The following THSD7B variants were observed in gnomAD, a reference collection of about 807,000 sequenced individuals.
THSD7B encodes the protein thrombospondin type-1 domain-containing protein 7B.
Under a neutral mutation model 213.6 loss-of-function variants are expected in THSD7B, and 138 were observed. The ratio of observed to expected loss-of-function variants is 0.65; its 90% CI spans 0.56 to 0.74. The LOEUF is 0.74. Ranked by LOEUF, THSD7B falls within the 30% of genes least tolerant of loss-of-function variation. The probability of loss-of-function intolerance (pLI) is 0.00; values close to 1 mark genes in which losing one functional copy is unlikely to be tolerated. For synonymous variants in THSD7B, 742 were observed against 687.0 expected, an observed-to-expected ratio of 1.08 and a Z score of -1.25; for missense variants, 1,931 against 1,991.5, an observed-to-expected ratio of 0.97 and a Z score of 0.58.
intron 12 of THSD7B, among the ~76,000 whole-genome samples, chr2:137,309,966 T>C (rs1040886974): frequency 7.4e-4 from 113 of 151,990 alleles, no homozygotes; most frequent in African/African-American, 2.6e-3. Flanking sequence ...GCAATAAACA[T>C]ACGTGTGCAT....
chr2:136,932,938 A>C (rs569545187), intron 2 of THSD7B, among the ~76,000 whole-genome samples: 1 of 152,114 alleles, frequency 6.6e-6, no homozygotes, highest in Non-Finnish European at 1.5e-5. Context: ...CTTGGAAGGC[A>C]CCAGAGGCAG....
chr2:137,637,713 C>T (rs1438370115), intron 20 of THSD7B, among the ~76,000 whole-genome samples: 2 of 152,148 alleles, frequency 1.3e-5, no homozygotes, highest in African/African-American at 4.8e-5. Flanking sequence ...TCCAGCAGAA[C>T]ATATCTGTCA....
intron 12 of THSD7B, among the ~76,000 whole-genome samples, chr2:137,285,366 T>C (rs1553435324): frequency 6.6e-6 from 1 of 152,170 alleles, no homozygotes; most frequent in Non-Finnish European, 1.5e-5. Context: ...TTTGCCCGTC[T>C]GTGTCTTTTA....
chr2:137,656,080 T>C (rs1220078443), intron 22 of THSD7B, among the ~76,000 whole-genome samples: 1 of 152,208 alleles, frequency 6.6e-6, no homozygotes, highest in East Asian at 1.9e-4. Flanking sequence ...TATGAGTTCA[T>C]GAAAGCACTC....
chr2:137,038,806 G>A (rs966794756), intron 2 of THSD7B, among the ~76,000 whole-genome samples: 2 of 152,214 alleles, frequency 1.3e-5, no homozygotes, highest in Non-Finnish European at 2.9e-5. Context: ...ACACTGTTGT[G>A]AAGTTGGCAC....
intron 21 of THSD7B, among the ~76,000 whole-genome samples, chr2:137,654,562 A>T (rs1047932094): frequency 1.3e-5 from 2 of 152,140 alleles, no homozygotes; most frequent in Non-Finnish European, 2.9e-5. Context: ...AACCATGAGT[A>T]AAGGGGAAAT....
intron 2 of THSD7B, among the ~76,000 whole-genome samples, chr2:136,959,004 A>G (rs1685174811): frequency 6.6e-6 from 1 of 152,126 alleles, no homozygotes; most frequent in African/African-American, 2.4e-5. Flanking sequence ...GGGGCTAGGG[A>G]GGGAGAGTGT....
intron 17 of THSD7B, among the ~76,000 whole-genome samples, chr2:137,583,625 G>A (rs1446929834): frequency 6.6e-6 from 1 of 152,080 alleles, no homozygotes; most frequent in Non-Finnish European, 1.5e-5. Flanking sequence ...TTTTTCTCAG[G>A]TTTGTCAAAG....
intron 2 of THSD7B, among the ~76,000 whole-genome samples, chr2:137,008,555 A>G (rs1320849913): frequency 2.6e-5 from 4 of 152,128 alleles, no homozygotes; most frequent in Admixed American, 1.3e-4. Flanking sequence ...CTCTTATAAT[A>G]AGATTAATTT....
At chr2:136,851,523 C>A (rs1384418564) in intron 1 of THSD7B, among the ~76,000 whole-genome samples, 1 of 152,232 alleles carries the variant, frequency 6.6e-6, no homozygotes, top group East Asian at 1.9e-4. Context: ...AATGAAATTG[C>A]TATCCAAATA....
intron 15 of THSD7B, among the ~76,000 whole-genome samples, chr2:137,500,987 G>A (rs1679690447): frequency 6.6e-6 from 1 of 152,096 alleles, no homozygotes; most frequent in African/African-American, 2.4e-5. Flanking sequence ...AAGATTTATA[G>A]TTTTGTTAGA....
At chr2:137,028,141 A>G (rs1448879112) in intron 2 of THSD7B, among the ~76,000 whole-genome samples, 1 of 152,106 alleles carries the variant, frequency 6.6e-6, no homozygotes, top group Non-Finnish European at 1.5e-5. Context: ...TTGTTTTTGG[A>G]CCTAGTTAGG....
At chr2:137,119,604 A>G (rs1688510459) in intron 5 of THSD7B, among the ~76,000 whole-genome samples, 1 of 152,180 alleles carries the variant, frequency 6.6e-6, no homozygotes, top group African/African-American at 2.4e-5. Context: ...AAGAGAGCTC[A>G]GGGTAAAAGA....
At chr2:137,594,666 T>A (rs79246626) in intron 17 of THSD7B, among the ~76,000 whole-genome samples, 3,575 of 152,152 alleles carry the variant, frequency 0.023, 80 homozygotes, top group East Asian at 0.078. Flanking sequence ...TCATTATTCT[T>A]AATTCTTCAA....
intron 7 of THSD7B, among the ~76,000 whole-genome samples, chr2:137,197,917 C>A (rs1680797844): frequency 6.6e-6 from 1 of 152,170 alleles, no homozygotes; most frequent in African/African-American, 2.4e-5. Context: ...ATCAAATGAC[C>A]TGGACAATTT....
At chr2:136,898,864 A>G (rs191401887) in intron 2 of THSD7B, among the ~76,000 whole-genome samples, 13 of 150,968 alleles carry the variant, frequency 8.6e-5, no homozygotes, top group African/African-American at 3.2e-4. Context: ...GTTGTTCTTG[A>G]TCTCCTGACC....
intron 15 of THSD7B, among the ~76,000 whole-genome samples, chr2:137,554,645 T>A (rs1331196190): frequency 6.6e-6 from 1 of 152,164 alleles, no homozygotes. Flanking sequence ...GGGTGATTTC[T>A]GCATTTCCAA....
chr2:136,936,613 T>A (rs1684735228), intron 2 of THSD7B, among the ~76,000 whole-genome samples: 1 of 152,142 alleles, frequency 6.6e-6, no homozygotes, highest in African/African-American at 2.4e-5. Flanking sequence ...AAGTGGGAAC[T>A]AAGCTATGAG....
At chr2:137,345,982 G>T (rs62165721) in intron 12 of THSD7B, among the ~76,000 whole-genome samples, 1 of 151,320 alleles carries the variant, frequency 6.6e-6, no homozygotes, top group African/African-American at 2.4e-5. Context: ...GGGAATAGGG[G>T]AGGGAGCTTG....
Sources: allele counts gnomAD v4.1 joint callset (sites outside exome capture counted in the v4.1 genomes callset), GRCh38; gene constraint gnomAD v4.1.1; transcripts MANE v1.5; gene names NCBI Gene and HGNC (gene_info 2026-07-23, HGNC 2026-07-21).